The following CCDC122 variants were observed in gnomAD, a reference collection of about 807,000 sequenced individuals.
CCDC122 encodes coiled-coil domain containing 122, also known as coiled-coil domain-containing protein 122.
CCDC122 carries 38 observed loss-of-function variants against 37.0 expected under a neutral mutation model. The observed-to-expected ratio is 1.03, with a 90% CI of 0.79 to 1.35. The LOEUF (loss-of-function observed/expected upper bound fraction) is 1.35, where lower values mean the gene tolerates loss of function less well. Among genes scored for constraint, CCDC122 ranks in the 40% most tolerant of loss-of-function variants. The pLI is 0.00. For synonymous variants in CCDC122, 83 were observed against 95.6 expected, an observed-to-expected ratio of 0.87 and a Z score of 0.77; for missense variants, 305 against 310.0, an observed-to-expected ratio of 0.98 and a Z score of 0.12.
At chr13:43,836,208 C>G (rs759053159), downstream of CCDC122, 1 of 152,078 alleles carries the variant, frequency 6.6e-6, no homozygotes, top group Non-Finnish European at 1.5e-5. Flanking sequence ...AGGAGGAGCA[C>G]GTTTATCTTG....
chr13:43,848,889 GA>G (rs1953631161), intron 6 of CCDC122: 1 of 980,736 alleles, frequency 1.0e-6, no homozygotes, highest in South Asian at 4.7e-5. Context: ...AGAAGAGATA[GA>G]AAAAAGACTC....
chr13:43,861,857 T>C (rs910279796), intron 4 of CCDC122, among the ~76,000 whole-genome samples: 1 of 152,196 alleles, frequency 6.6e-6, no homozygotes, highest in African/African-American at 2.4e-5. Flanking sequence ...CTGATTTCAA[T>C]AAACTGTACC....
At chr13:43,877,017 A>G (rs1954630558) in intron 1 of CCDC122, among the ~76,000 whole-genome samples, 1 of 152,174 alleles carries the variant, frequency 6.6e-6, no homozygotes, top group Non-Finnish European at 1.5e-5. Context: ...AGGCTAAGGC[A>G]GGAGAATCAC....
At position 43,860,265 on chromosome 13, in the gene CCDC122, A is replaced by G. The variant is rs117389460; in HGVS notation, c.157-195T>C. Among the ~76,000 whole-genome samples the G allele has an allele frequency of 9.9e-3, 1,511 of 152,190 alleles. 7 individuals are homozygous for G. Among genetic ancestry groups the G allele is most frequent in the Middle Eastern group, 0.024 (7 of 294 alleles). ...ATAATTTCAGAAGGACCTCAGTTAT[A>G]TATTTTTTAATGTTCATCTAATTCT... On this transcript the variant is annotated intron_variant, in intron 4 of 6. Transcript: ENST00000444614.
intron 6 of CCDC122, among the ~76,000 whole-genome samples, chr13:43,856,901 A>C (rs749666906): frequency 6.6e-6 from 1 of 151,982 alleles, no homozygotes; most frequent in Non-Finnish European, 1.5e-5. Context: ...CCATCCATTT[A>C]TAATTTGTGT....
At chr13:43,871,762 A>G (rs1255301150) in intron 2 of CCDC122, among the ~76,000 whole-genome samples, 3 of 152,098 alleles carry the variant, frequency 2.0e-5, no homozygotes, top group African/African-American at 7.2e-5. Flanking sequence ...CTAAGTCTGG[A>G]GATGAAACAT....
chr13:43,868,641 C>A, intron 4 of CCDC122, 53 bp downstream of exon 4: 1 of 885,504 alleles, frequency 1.1e-6, no homozygotes, highest in South Asian at 1.8e-5. Flanking sequence ...ATCTCCTGGT[C>A]ATTTACTTTT....
At chr13:43,879,062 G>C (rs184085712) in intron 1 of CCDC122, among the ~76,000 whole-genome samples, 235 of 152,284 alleles carry the variant, frequency 1.5e-3, no homozygotes, top group Middle Eastern at 3.4e-3. Flanking sequence ...TGACCACACT[G>C]CTGGGTCAGC....
chr13:43,850,481 T>C (rs1953688974), intron 6 of CCDC122, among the ~76,000 whole-genome samples: 1 of 151,970 alleles, frequency 6.6e-6, no homozygotes, highest in Admixed American at 6.6e-5. Flanking sequence ...GAATATAAGA[T>C]ATAAGAAAGA....
chr13:43,820,395 G>A (rs1266116328), downstream of CCDC122, among the ~76,000 whole-genome samples: 9 of 152,154 alleles, frequency 5.9e-5, no homozygotes, highest in Non-Finnish European at 1.3e-4. Flanking sequence ...TAGATGGTAA[G>A]TATGAGACAA....
chr13:43,874,467 G>C (rs1012531477), intron 2 of CCDC122, among the ~76,000 whole-genome samples: 5 of 151,942 alleles, frequency 3.3e-5, no homozygotes, highest in Non-Finnish European at 7.4e-5. Context: ...TAAAGTATTT[G>C]ATAAAGTAAC....
rs937514688 is a variant in CCDC122 at position 43,871,343 on chromosome 13, A to G, written c.-113-1854T>C. On this transcript the variant is annotated intron_variant, in intron 2 of 6. Coordinates refer to ENST00000444614, the MANE Select transcript of CCDC122 (RefSeq NM_144974.5). ...TTTGCATGCCTGAAGAGGTAATCCA[A>G]TGAGTTCTTCATGCTCTTACCTAGC... 2.0e-5 allele frequency among the ~76,000 whole-genome samples: 3 copies of G among 152,144 alleles called. No individual in the cohort carries two copies. In the East Asian group the frequency reaches 5.8e-4, roughly 29 times the overall value.
chr13:43,846,834 A>C (rs1057083891), intron 6 of CCDC122, among the ~76,000 whole-genome samples: 3 of 152,126 alleles, frequency 2.0e-5, no homozygotes, highest in Admixed American at 2.0e-4. Flanking sequence ...GGAAAAATTC[A>C]ACATTTACTC....
chr13:43,820,567 T>C (rs367979224), downstream of CCDC122, among the ~76,000 whole-genome samples: 27 of 152,240 alleles, frequency 1.8e-4, 1 homozygote, highest in African/African-American at 6.3e-4. Context: ...AATCTACGAG[T>C]TAATTATAAT....
Position 43,859,890 on chromosome 13 carries a change from T to C in CCDC122, c.337A>G (p.Thr113Ala). Residue 113 changes from threonine (T) to alanine (A), a missense_variant, in exon 5 of 7, where the codon ACA becomes GCA. Thr to Ala is a moderately conservative substitution (Grantham distance 58). Transcript: ENST00000444614. ...ENVKLKFDIETAQEDFEEHMI... is the reference protein window; with the variant it reads ...ENVKLKFDIEAAQEDFEEHMI... The stretch of plus-strand genomic sequence containing the variant: ...TGTTCCTCAAAATCTTCTTGGGCTG[T>C]TTCTATGTCAAATTTAAGCTTTACA... 3 of 1,607,606 alleles carry C rather than the reference T, an allele frequency of 1.9e-6. No homozygotes were observed. Among genetic ancestry groups the C allele is most frequent in the Non-Finnish European group, 2.5e-6 (3 of 1,177,630 alleles).
chr13:43,857,640 C>T (rs1201763240), intron 6 of CCDC122, among the ~76,000 whole-genome samples: 2 of 151,998 alleles, frequency 1.3e-5, no homozygotes, highest in Admixed American at 6.6e-5. Context: ...TGGTGGCTCA[C>T]GCCTGTAATC....
intron 4 of CCDC122, among the ~76,000 whole-genome samples, chr13:43,863,250 C>T (rs542589642): frequency 1.3e-5 from 2 of 152,068 alleles, no homozygotes; most frequent in African/African-American, 2.4e-5. Flanking sequence ...TTGCTTTTCA[C>T]TAATTTTATA....
In CCDC122 at chr13:43,858,766, A is replaced by G. The variant is rs529686937; in HGVS notation, c.672+15T>C. On this transcript the variant is annotated intron_variant, in intron 6 of 6. Coordinates refer to ENST00000444614, the MANE Select transcript of CCDC122 (RefSeq NM_144974.5). ...GGTCCCATAAAACATTGAAATCTAG[A>G]TAATTAAGACTTACCTCTATTTCTT... 163 of 1,370,588 alleles carry G rather than the reference A, an allele frequency of 1.2e-4. 2 individuals carry two copies. In the South Asian group the frequency reaches 2.2e-3, roughly 18 times the overall value. 84.9% of individuals were successfully genotyped at this position (1,370,588 alleles called of 1,614,324 possible). A position where few individuals can be genotyped will look rare whatever the true frequency, so the allele number is the denominator to read the frequency against.
At chr13:43,845,735 A>ACAAAT (rs1953503709) in intron 6 of CCDC122, among the ~76,000 whole-genome samples, 1 of 151,344 alleles carries the variant, frequency 6.6e-6, no homozygotes, top group East Asian at 1.9e-4. Context: ...ACAAAACAAA[A>ACAAAT]GTTTCTTTTG....
Sources: gnomAD v4.1 joint callset for allele counts (sites outside exome capture counted in the v4.1 genomes callset) on GRCh38, gnomAD v4.1.1 for gene constraint, MANE v1.5 for transcripts, NCBI Gene and HGNC (gene_info 2026-07-23, HGNC 2026-07-21) for gene names.